Variants in ARMH3 observed in about 807,000 individuals in gnomAD.
ARMH3 encodes the protein armadillo-like helical domain-containing protein 3.
In ARMH3, 60 loss-of-function variants were observed where a neutral mutation model predicts 99.1. The observed-to-expected ratio is 0.61, with a 90% CI of 0.49 to 0.75. The LOEUF is 0.75. Ranked by LOEUF, ARMH3 falls within the 30% of genes least tolerant of loss-of-function variation. The probability of loss-of-function intolerance (pLI) is 0.00; values close to 1 mark genes in which losing one functional copy is unlikely to be tolerated. For missense variants in ARMH3, 679 were observed against 843.1 expected, an observed-to-expected ratio of 0.81 and a Z score of 2.41; for synonymous variants, 285 against 292.8, an observed-to-expected ratio of 0.97 and a Z score of 0.27.
intron 20 of ARMH3, among the ~76,000 whole-genome samples, chr10:101,968,963 A>AT (rs1423178131): frequency 6.6e-6 from 1 of 152,150 alleles, no homozygotes; most frequent in African/African-American, 2.4e-5. Context: ...GAGGCTCTCT[A>AT]TTTTTGCATA....
intron 23 of ARMH3, among the ~76,000 whole-genome samples, chr10:101,932,078 T>TA (rs934623834): frequency 2.6e-4 from 40 of 151,948 alleles, no homozygotes; most frequent in African/African-American, 9.2e-4. Flanking sequence ...AAAACTCCAT[T>TA]AAAAAATGAG....
At chr10:101,980,822 A>G (rs1372072670) in intron 19 of ARMH3, among the ~76,000 whole-genome samples, 6 of 152,214 alleles carry the variant, frequency 3.9e-5, no homozygotes, top group Non-Finnish European at 2.9e-5. Context: ...ATGCCCATCA[A>G]TGATAGACTG....
intron 23 of ARMH3, among the ~76,000 whole-genome samples, chr10:101,898,312 C>T (rs901604457): frequency 2.0e-5 from 3 of 151,538 alleles, no homozygotes; most frequent in Middle Eastern, 3.4e-3. Context: ...ACCATGATCA[C>T]ACCACTGCGC....
chr10:101,893,118 T>G (rs78134907), intron 23 of ARMH3, among the ~76,000 whole-genome samples: 10,297 of 152,162 alleles, frequency 0.068, 409 homozygotes, highest in African/African-American at 0.1. Context: ...AGAAGGTAGG[T>G]GAAGCAAGTT....
At chr10:101,964,062 G>C (rs1203604093) in intron 20 of ARMH3, among the ~76,000 whole-genome samples, 2 of 151,988 alleles carry the variant, frequency 1.3e-5, no homozygotes, top group African/African-American at 2.4e-5. Context: ...ATTTTTAATA[G>C]AGATGGGGTT....
At chr10:101,967,360 C>T (rs1845582335) in intron 20 of ARMH3, among the ~76,000 whole-genome samples, 2 of 152,194 alleles carry the variant, frequency 1.3e-5, no homozygotes, top group Non-Finnish European at 2.9e-5. Context: ...TACCCAGGGA[C>T]ATTGCCAGCA....
At chr10:102,027,974 C>G (rs2067036949) in intron 5 of ARMH3, among the ~76,000 whole-genome samples, 1 of 149,926 alleles carries the variant, frequency 6.7e-6, no homozygotes, top group Non-Finnish European at 1.5e-5. Flanking sequence ...ATTCAGAATA[C>G]GAAAAGAACT....
At chr10:101,980,270 C>T (rs140967275) in intron 19 of ARMH3, among the ~76,000 whole-genome samples, 3 of 152,022 alleles carry the variant, frequency 2.0e-5, no homozygotes, top group Admixed American at 6.6e-5. Context: ...TAAATGAAAC[C>T]GGCTCCTCCT....
rs887791028 is a variant in ARMH3 at position 101,945,473 on chromosome 10, T to G, written c.1706-5535A>C. Among the ~76,000 whole-genome samples, 4 of 151,994 alleles carry G rather than the reference T, an allele frequency of 2.6e-5. 1 individual carries two copies. In the East Asian group the frequency reaches 7.7e-4, roughly 29 times the overall value. ...TGGCTCGCGCTTGTAATCCCAGCAC[T>G]TTGGGAGGCTGAGGCGGGTGGATCA... On this transcript the variant is annotated intron_variant, in intron 22 of 25. Transcript: ENST00000370033.
chr10:101,882,421 A>G (rs2067441529), intron 24 of ARMH3, among the ~76,000 whole-genome samples: 1 of 152,244 alleles, frequency 6.6e-6, no homozygotes, highest in African/African-American at 2.4e-5. Flanking sequence ...AACGGTGAAC[A>G]GCCTAAAAGC....
At chr10:102,047,994 T>G (rs1211067971) in intron 1 of ARMH3, among the ~76,000 whole-genome samples, 2 of 152,096 alleles carry the variant, frequency 1.3e-5, no homozygotes, top group Non-Finnish European at 2.9e-5. Flanking sequence ...CAAAGAATTA[T>G]CCAGCCCAAC....
chr10:102,014,540 G>C (rs1247992597), intron 8 of ARMH3, among the ~76,000 whole-genome samples: 6 of 152,192 alleles, frequency 3.9e-5, no homozygotes, highest in Non-Finnish European at 8.8e-5. Context: ...CACCCGTAAA[G>C]CAAAGCCACC....
intron 20 of ARMH3, among the ~76,000 whole-genome samples, chr10:101,970,770 A>G (rs1845730369): frequency 6.6e-6 from 1 of 152,014 alleles, no homozygotes; most frequent in Non-Finnish European, 1.5e-5. Context: ...GACTACAATG[A>G]GCCATGATTG....
At chr10:101,873,897 T>G (rs569625600) in intron 24 of ARMH3, among the ~76,000 whole-genome samples, 6 of 152,316 alleles carry the variant, frequency 3.9e-5, no homozygotes, top group Admixed American at 3.9e-4. Flanking sequence ...TAATGGACAT[T>G]TAGGTTGTTT....
chr10:102,029,285 T>C (rs532041864), intron 5 of ARMH3, among the ~76,000 whole-genome samples: 3 of 152,338 alleles, frequency 2.0e-5, no homozygotes, highest in South Asian at 4.1e-4. Flanking sequence ...ATCAAAGTAA[T>C]TGTGTTAAAT....
intron 24 of ARMH3, among the ~76,000 whole-genome samples, chr10:101,869,403 C>T (rs776032431): frequency 3.4e-4 from 51 of 152,142 alleles, no homozygotes; most frequent in Non-Finnish European, 6.9e-4. Context: ...ATTGTAATCA[C>T]ACTGAGTATA....
chr10:101,930,559 G>T (rs1192143669), intron 23 of ARMH3, among the ~76,000 whole-genome samples: 1 of 152,078 alleles, frequency 6.6e-6, no homozygotes, highest in Non-Finnish European at 1.5e-5. Context: ...TATAGCCAAG[G>T]TTGCATGGTC....
chr10:101,997,771 CCTT>C (rs1055007045), intron 15 of ARMH3, among the ~76,000 whole-genome samples: 5 of 151,786 alleles, frequency 3.3e-5, no homozygotes, highest in African/African-American at 1.2e-4. Context: ...AAACTTTATA[CCTT>C]ATTATACATA....
At chr10:101,902,836 G>C (rs1205125111) in intron 23 of ARMH3, among the ~76,000 whole-genome samples, 1 of 152,066 alleles carries the variant, frequency 6.6e-6, no homozygotes, top group Non-Finnish European at 1.5e-5. Flanking sequence ...AGTAAAGCAG[G>C]GGGTGAGAGC....
Sources: gnomAD v4.1 joint callset for allele counts (sites outside exome capture counted in the v4.1 genomes callset) on GRCh38, gnomAD v4.1.1 for gene constraint, MANE v1.5 for transcripts, NCBI Gene and HGNC (gene_info 2026-07-23, HGNC 2026-07-21) for gene names.